ADTRP: variants seen among roughly 807,000 people sequenced by gnomAD.
ADTRP encodes the protein androgen-dependent TFPI-regulating protein.
ADTRP carries 20 observed loss-of-function variants against 27.0 expected under a neutral mutation model. The ratio of observed to expected loss-of-function variants is 0.74; its 90% CI spans 0.52 to 1.08. The LOEUF is 1.08. Among genes scored for constraint, ADTRP ranks in the 50% least tolerant of loss-of-function variants. The pLI is 0.00. For missense variants in ADTRP, 251 were observed against 275.0 expected, an observed-to-expected ratio of 0.91 and a Z score of 0.62; for synonymous variants, 101 against 105.2, an observed-to-expected ratio of 0.96 and a Z score of 0.25.
intron 4 of ADTRP, among the ~76,000 whole-genome samples, chr6:11,725,144 C>T (rs955224104): frequency 2.0e-5 from 3 of 152,124 alleles, no homozygotes; most frequent in East Asian, 1.9e-4. Flanking sequence ...TATTCAGGAC[C>T]GGGAGTAGGG....
chr6:11,753,403 G>GA (rs1327505198), intron 3 of ADTRP, among the ~76,000 whole-genome samples: 2 of 151,806 alleles, frequency 1.3e-5, no homozygotes, highest in South Asian at 2.1e-4. Flanking sequence ...GTCACCATCT[G>GA]AAAAAAAAGA....
chr6:11,724,567 C>G (rs972995898), intron 4 of ADTRP, among the ~76,000 whole-genome samples: 4 of 152,154 alleles, frequency 2.6e-5, no homozygotes, highest in African/African-American at 9.7e-5. Context: ...CTGGAAGGTG[C>G]CAAAGTCTGA....
At position 11,723,464 on chromosome 6, in the gene ADTRP, C is replaced by A; in HGVS notation, c.543G>T (p.Val181=). 1 of 1,614,122 alleles carries A rather than the reference C, an allele frequency of 6.2e-7. No homozygotes were observed. Among genetic ancestry groups the A allele is most frequent in the Non-Finnish European group, 8.5e-7 (1 of 1,180,010 alleles). ...LWLYFETGTW[V]YPVFAKLSLL... ...GGCTGAGTTTGGCAAACACAGGATA[C>A]ACCCAGGTACCCGTCTCAAAGTAGA... The change falls in exon 5 of 6, where the codon GTG becomes GTT. Residue 181 remains valine, a synonymous_variant. Coordinates refer to ENST00000414691, the MANE Select transcript of ADTRP (RefSeq NM_032744.4).
intron 3 of ADTRP, among the ~76,000 whole-genome samples, chr6:11,757,284 TC>T (rs1313224257): frequency 6.6e-6 from 1 of 152,084 alleles, no homozygotes; most frequent in Admixed American, 6.6e-5. Context: ...ATCTCTTAAA[TC>T]CCCCCAATCT....
chr6:11,727,370 G>T (rs1394021794), intron 4 of ADTRP, among the ~76,000 whole-genome samples: 1 of 152,108 alleles, frequency 6.6e-6, no homozygotes. Flanking sequence ...GATGCCCACA[G>T]TGATTCTTAC....
At chr6:11,718,908 T>C (rs906620058) in intron 5 of ADTRP, among the ~76,000 whole-genome samples, 1 of 152,226 alleles carries the variant, frequency 6.6e-6, no homozygotes, top group East Asian at 1.9e-4. Flanking sequence ...TCAAAGCCAG[T>C]TCCCTGCAAC....
intron 3 of ADTRP, among the ~76,000 whole-genome samples, chr6:11,741,673 G>A (rs1185648333): frequency 6.6e-6 from 1 of 151,404 alleles, no homozygotes; most frequent in South Asian, 2.1e-4. Flanking sequence ...CCAGCCTGGT[G>A]AAGAAGCGAC....
intron 5 of ADTRP, among the ~76,000 whole-genome samples, chr6:11,722,289 C>T (rs186231962): frequency 4.3e-4 from 66 of 152,296 alleles, no homozygotes; most frequent in Middle Eastern, 3.4e-3. Flanking sequence ...ACATGTGATA[C>T]ATCCAAGTTG....
chr6:11,716,796 C>A lies in ADTRP; in HGVS notation c.659-2284G>T, dbSNP rs181093271. On this transcript the variant is annotated intron_variant, in intron 5 of 5. Transcript: ENST00000414691. ...GTGGTGTGATCTTGGCTCACTGCAACCTCTGCCTCCCAGATTCAAGTGTTT... is the reference window on the plus strand; with the variant it reads ...GTGGTGTGATCTTGGCTCACTGCAAACTCTGCCTCCCAGATTCAAGTGTTT... Among the ~76,000 whole-genome samples, 270 of 149,238 alleles carry A rather than the reference C, an allele frequency of 1.8e-3. 1 individual carries two copies. Among genetic ancestry groups the A allele is most frequent in the Non-Finnish European group, 3.4e-3 (227 of 67,584 alleles).
chr6:11,761,250 C>A (rs1333741945), intron 3 of ADTRP, among the ~76,000 whole-genome samples: 3 of 151,896 alleles, frequency 2.0e-5, no homozygotes, highest in Non-Finnish European at 4.4e-5. Context: ...GCCTTTTTTA[C>A]ACAAACACAC....
rs1761714448 is a variant in ADTRP, at chr6:11,713,641, A to C, written c.*837T>G. On this transcript the variant is annotated 3_prime_UTR_variant, in exon 6 of 6. Coordinates refer to ENST00000414691, the MANE Select transcript of ADTRP (RefSeq NM_032744.4). ...TCTCAACAGCCCTTATAATTCTATC[A>C]CTTCCCATCCAGATTCTTCTGCAAG... 6.6e-6 allele frequency: 1 copy of C among 152,184 alleles called. No homozygotes were observed. Among genetic ancestry groups the C allele is most frequent in the Admixed American group, 6.5e-5 (1 of 15,284 alleles). The allele number at this position is 152,184 out of a possible 1,614,324, so 9.4% of individuals were successfully genotyped here. A position where few individuals can be genotyped will look rare whatever the true frequency, so the allele number is the denominator to read the frequency against.
At chr6:11,761,485 A>G (rs955944269) in intron 3 of ADTRP, among the ~76,000 whole-genome samples, 2 of 152,306 alleles carry the variant, frequency 1.3e-5, no homozygotes, top group East Asian at 3.9e-4. Context: ...ATTATTATAC[A>G]TCTTAGCTAT....
chr6:11,746,878 C>A (rs543886952), intron 3 of ADTRP, among the ~76,000 whole-genome samples: 1 of 152,160 alleles, frequency 6.6e-6, no homozygotes, highest in African/African-American at 2.4e-5. Flanking sequence ...GCTCAACCTC[C>A]TGCTCAGCGG....
intron 5 of ADTRP, among the ~76,000 whole-genome samples, chr6:11,715,382 T>A (rs536997057): frequency 8.5e-5 from 13 of 152,188 alleles, no homozygotes; most frequent in Non-Finnish European, 1.8e-4. Context: ...TTAGAGGCTA[T>A]CATGACTGGT....
intron 1 of ADTRP, among the ~76,000 whole-genome samples, chr6:11,768,864 C>A (rs1460219447): frequency 6.6e-6 from 1 of 152,114 alleles, no homozygotes; most frequent in Admixed American, 6.5e-5. Context: ...CCACGAATCT[C>A]TGTGCTCTCC....
At chr6:11,772,621 C>G (rs535242394) in intron 1 of ADTRP, among the ~76,000 whole-genome samples, 1 of 152,202 alleles carries the variant, frequency 6.6e-6, no homozygotes, top group Non-Finnish European at 1.5e-5. Flanking sequence ...CTGTGCCTGA[C>G]TCAGCCAGGC....
At chr6:11,753,147 G>A (rs1357379539) in intron 3 of ADTRP, among the ~76,000 whole-genome samples, 1 of 152,168 alleles carries the variant, frequency 6.6e-6, no homozygotes, top group African/African-American at 2.4e-5. Flanking sequence ...AAACAAACTT[G>A]TCAATTATTT....
At chr6:11,756,877 T>C (rs1763229717) in intron 3 of ADTRP, among the ~76,000 whole-genome samples, 1 of 152,210 alleles carries the variant, frequency 6.6e-6, no homozygotes, top group African/African-American at 2.4e-5. Context: ...GAGCGGTTTG[T>C]AGAGATTGAG....
chr6:11,751,948 T>A (rs1763068759), intron 3 of ADTRP, among the ~76,000 whole-genome samples: 1 of 152,238 alleles, frequency 6.6e-6, no homozygotes, highest in African/African-American at 2.4e-5. Flanking sequence ...ATCCATCCTA[T>A]TAATCTGGTT....
Sources: allele counts gnomAD v4.1 joint callset (sites outside exome capture counted in the v4.1 genomes callset), GRCh38; gene constraint gnomAD v4.1.1; transcripts MANE v1.5; gene names NCBI Gene and HGNC (gene_info 2026-07-23, HGNC 2026-07-21).